Variants in KDSR observed in about 807,000 individuals in gnomAD.
The protein encoded by KDSR is 3-dehydrosphinganine reductase.
A neutral mutation model predicts 41.3 loss-of-function variants in KDSR; 23 were observed. That is an observed-to-expected ratio of 0.56 (90% CI 0.40 to 0.79). The LOEUF is 0.79. Among genes scored for constraint, KDSR ranks in the 30% least tolerant of loss-of-function variants. KDSR has a pLI of 0.00. For missense variants in KDSR, 351 were observed against 416.8 expected (o/e 0.84, Z 1.37); for synonymous variants, 138 against 151.7 (o/e 0.91, Z 0.66).
intron 9 of KDSR, among the ~76,000 whole-genome samples, chr18:63,332,831 CAAAAA>C (rs1159424416): frequency 1.3e-5 from 1 of 75,032 alleles, no homozygotes; most frequent in African/African-American, 5.6e-5. Flanking sequence ...GACTCCGTCT[CAAAAA>C]AAAAAAAAAA....
chr18:63,345,212 C>A (rs1025770972), intron 6 of KDSR: 1 of 152,386 alleles, frequency 6.6e-6, no homozygotes, highest in South Asian at 2.1e-4. Context: ...ATAGGGAAAG[C>A]CCTCTGCCTT....
chr18:63,349,076 C>T (rs1480314625), intron 6 of KDSR, among the ~76,000 whole-genome samples: 1 of 152,192 alleles, frequency 6.6e-6, no homozygotes, highest in East Asian at 1.9e-4. Flanking sequence ...CCCTCACATA[C>T]TTTACAAAAC....
chr18:63,332,438 G>A (rs943659214), intron 9 of KDSR, among the ~76,000 whole-genome samples: 1 of 152,020 alleles, frequency 6.6e-6, no homozygotes, highest in Admixed American at 6.5e-5. Flanking sequence ...TGGCATGAAC[G>A]CGGCTCACTA....
chr18:63,357,212 GC>G (rs1272700459), intron 3 of KDSR, among the ~76,000 whole-genome samples: 2 of 152,120 alleles, frequency 1.3e-5, no homozygotes, highest in African/African-American at 4.8e-5. Context: ...GGGATGTGGC[GC>G]AACAGAAACC....
intron 6 of KDSR, among the ~76,000 whole-genome samples, chr18:63,347,810 TA>T (rs1217292425): frequency 6.6e-6 from 1 of 151,844 alleles, no homozygotes; most frequent in Non-Finnish European, 1.5e-5. Context: ...GAGTAACTTT[TA>T]AAATCTTTAC....
chr18:63,362,426 C>A (rs555482224), intron 2 of KDSR, among the ~76,000 whole-genome samples: 1 of 152,298 alleles, frequency 6.6e-6, no homozygotes, highest in South Asian at 2.1e-4. Context: ...GGTATCAGCT[C>A]CAGAATCACT....
In KDSR at chr18:63,335,134, A is replaced by C. The variant is rs1008794161; in HGVS notation, c.879+123T>G. The C allele has an allele frequency of 6.1e-5, 38 of 621,938 alleles. No homozygotes were observed. The Admixed American group carries it at 9.3e-4, about 15-fold the overall frequency. The allele number at this position is 621,938 out of a possible 1,614,324, so 38.5% of individuals were successfully genotyped here. ...GAAGAGGAAAAGTTGATAGCTCCATAAAAATACATTGTCAAATAAAGTTAC... is the reference window on the plus strand; with the variant it reads ...GAAGAGGAAAAGTTGATAGCTCCATCAAAATACATTGTCAAATAAAGTTAC... On this transcript the variant is annotated intron_variant, in intron 9 of 9. Coordinates refer to ENST00000645214, the MANE Select transcript of KDSR (RefSeq NM_002035.4).
chr18:63,347,135 T>C (rs2849371), intron 6 of KDSR, among the ~76,000 whole-genome samples: 91,914 of 151,778 alleles, frequency 0.61, 29,964 homozygotes, highest in Non-Finnish European at 0.72. Context: ...CTGCCCCACA[T>C]CCATCCTACT....
chr18:63,342,327 T>C (rs1270177521), intron 7 of KDSR, among the ~76,000 whole-genome samples: 1 of 152,056 alleles, frequency 6.6e-6, no homozygotes, highest in Non-Finnish European at 1.5e-5. Context: ...GTGAGAGTCA[T>C]GGGCTCCGTC....
intron 1 of KDSR, 61 bp from the exon 2 acceptor site, chr18:63,362,929 A>G: frequency 9.0e-7 from 1 of 1,109,624 alleles, no homozygotes; most frequent in Non-Finnish European, 1.4e-6. Context: ...GGAAGTTTTT[A>G]TAAAAAACAA....
intron 6 of KDSR, among the ~76,000 whole-genome samples, chr18:63,348,801 G>C (rs536043119): frequency 2.0e-5 from 3 of 152,228 alleles, no homozygotes; most frequent in Non-Finnish European, 4.4e-5. Context: ...ACACAGCTCT[G>C]CAAAAAGCCC....
intron 2 of KDSR, among the ~76,000 whole-genome samples, chr18:63,362,146 TCC>T (rs1438906965): frequency 6.6e-6 from 1 of 152,198 alleles, no homozygotes; most frequent in Non-Finnish European, 1.5e-5. Flanking sequence ...TTTCCTCCAG[TCC>T]CCATATGGGG....
rs534293988 is a variant in KDSR at position 63,342,631 on chromosome 18, T to G, written c.693+1779A>C. Among the ~76,000 whole-genome samples, 8 of 152,328 alleles carry G rather than the reference T, an allele frequency of 5.3e-5. No homozygotes were observed. The East Asian group carries it at 1.5e-3, about 29-fold the overall frequency. ...GGTCCAAGTGTGCATAATATTAATATGAGCACTAAACCTGATTTAACTAAA... is the reference window on the plus strand; with the variant it reads ...GGTCCAAGTGTGCATAATATTAATAGGAGCACTAAACCTGATTTAACTAAA... On this transcript the variant is annotated intron_variant, in intron 7 of 9. Transcript: ENST00000645214.
intron 3 of KDSR, 46 bp from the exon 4 acceptor site, chr18:63,355,609 C>G (rs1370928895): frequency 6.6e-7 from 1 of 1,511,844 alleles, no homozygotes; most frequent in Non-Finnish European, 8.8e-7. Flanking sequence ...AGGTACCAAA[C>G]TATTTCTTAA....
rs536127815 is a variant in KDSR, at chr18:63,353,755, A to G, written c.417+1449T>C. On this transcript the variant is annotated intron_variant, in intron 5 of 9. Coordinates refer to ENST00000645214, the MANE Select transcript of KDSR (RefSeq NM_002035.4). ...CAGAAGTGCACATATCATGATTCCA[A>G]TCATACGAAATGACCAGAGACAGAA... Among the ~76,000 whole-genome samples, 4 of 152,306 alleles carry G rather than the reference A, an allele frequency of 2.6e-5. 1 individual carries two copies. The highest frequency in any genetic ancestry group is 9.6e-5 in the African/African-American group (4 of 41,574).
intron 7 of KDSR, among the ~76,000 whole-genome samples, chr18:63,339,853 A>G (rs954910463): frequency 3.9e-5 from 6 of 152,374 alleles, no homozygotes; most frequent in Admixed American, 3.3e-4. Context: ...CTTAAACTGC[A>G]TGAGACTGTA....
chr18:63,337,091 ACTT>A (rs1914186087), intron 8 of KDSR, among the ~76,000 whole-genome samples: 3 of 24,710 alleles, frequency 1.2e-4, no homozygotes, highest in African/African-American at 2.4e-4. Context: ...TATATATGTG[ACTT>A]TATATATATA....
intron 3 of KDSR, among the ~76,000 whole-genome samples, chr18:63,358,738 C>T (rs1914872497): frequency 7.0e-6 from 1 of 141,888 alleles, no homozygotes; most frequent in African/African-American, 2.6e-5. Context: ...TCGCTTGAAC[C>T]CGAGAGGTGG....
In KDSR at chr18:63,344,441, G is replaced by A. The variant is rs1914436888; in HGVS notation, c.662C>T (p.Thr221Ile). 1.2e-6 allele frequency: 2 copies of A among 1,614,032 alleles called. No individual in the cohort carries two copies. The highest frequency in any genetic ancestry group is 1.7e-6 in the Non-Finnish European group (2 of 1,179,876). The change falls in exon 7 of 10, where the codon ACA becomes ATA. Residue 221 changes from threonine to isoleucine, a missense_variant. Thr to Ile is a moderately conservative substitution (Grantham distance 89). Transcript: ENST00000645214. Reference protein sequence around the residue: ...ITVAYPPDTDTPGFAEENRTK... With the variant: ...ITVAYPPDTDIPGFAEENRTK... ...TCTGTTTTCTTCGGCAAAGCCAGGT[G>A]TGTCTGTGTCTGGTGGGTAAGCAAC...
Sources: gnomAD v4.1 joint callset for allele counts (sites outside exome capture counted in the v4.1 genomes callset) on GRCh38, gnomAD v4.1.1 for gene constraint, MANE v1.5 for transcripts, NCBI Gene and HGNC (gene_info 2026-07-23, HGNC 2026-07-21) for gene names.